Variants in MCCC2 observed in about 807,000 individuals in gnomAD.
The protein encoded by MCCC2 is methylcrotonoyl-CoA carboxylase beta chain, mitochondrial.
MCCC2 carries 52 observed loss-of-function variants against 77.2 expected under a neutral mutation model. The ratio of observed to expected loss-of-function variants is 0.67; its 90% confidence interval spans 0.54 to 0.85. The LOEUF is 0.85. Among genes scored for constraint, MCCC2 ranks in the 40% least tolerant of loss-of-function variants. The pLI, the probability that MCCC2 is intolerant of heterozygous loss-of-function variation, is 0.00. For synonymous variants in MCCC2, 253 were observed against 248.4 expected, an observed-to-expected ratio of 1.02 and a Z score of -0.18; for missense variants, 682 against 703.2, an observed-to-expected ratio of 0.97 and a Z score of 0.34.
intron 12 of MCCC2, among the ~76,000 whole-genome samples, 154 bp from the exon 13 acceptor site, chr5:71,646,057 G>A (rs1747264396): frequency 1.6e-5 from 1 of 64,198 alleles, no homozygotes; most frequent in Admixed American, 2.1e-4. Flanking sequence ...GTGAGACCAT[G>A]TTTCTTTAAA....
intron 5 of MCCC2, 73 bp downstream of exon 5, chr5:71,602,706 A>G (rs1191122224): frequency 2.5e-6 from 4 of 1,602,078 alleles, no homozygotes; most frequent in East Asian, 4.5e-5. Context: ...GGCTGTATGT[A>G]TTACATTTGG....
chr5:71,633,925 A>G (rs905750789), intron 8 of MCCC2, among the ~76,000 whole-genome samples: 7 of 152,108 alleles, frequency 4.6e-5, no homozygotes, highest in African/African-American at 1.7e-4. Flanking sequence ...AAGATCTACC[A>G]TTTGTGAGGC....
At chr5:71,646,865 G>C (rs1469564711) in intron 13 of MCCC2, among the ~76,000 whole-genome samples, 2 of 152,032 alleles carry the variant, frequency 1.3e-5, no homozygotes, top group African/African-American at 4.8e-5. Flanking sequence ...CACGTGCTAC[G>C]GTCTTCCCTT....
intron 3 of MCCC2, among the ~76,000 whole-genome samples, chr5:71,598,606 A>ATTTTTTTTTTT (rs34190236): frequency 1.7e-5 from 2 of 115,342 alleles, no homozygotes; most frequent in South Asian, 2.9e-4. Context: ...CGCCTGGCTA[A>ATTTTTTTTTTT]TTTTTTTTTT....
At chr5:71,616,085 T>A (rs1746146596) in intron 6 of MCCC2, among the ~76,000 whole-genome samples, 1 of 152,198 alleles carries the variant, frequency 6.6e-6, no homozygotes. Flanking sequence ...GGCAAACTCA[T>A]CCAAGTGCTA....
At chr5:71,637,928 A>G (rs551641225) in intron 10 of MCCC2, among the ~76,000 whole-genome samples, 353 of 152,006 alleles carry the variant, frequency 2.3e-3, no homozygotes, top group African/African-American at 7.0e-3. Flanking sequence ...TAGCCAGGAT[A>G]GTCTTGATCT....
intron 15 of MCCC2, among the ~76,000 whole-genome samples, chr5:71,651,444 A>T (rs1747435105): frequency 6.6e-6 from 1 of 152,174 alleles, no homozygotes; most frequent in Non-Finnish European, 1.5e-5. Context: ...TATTAGTTAC[A>T]ACTTTTAACT....
intron 6 of MCCC2, among the ~76,000 whole-genome samples, chr5:71,611,020 G>A (rs1300423503): frequency 6.6e-6 from 1 of 152,096 alleles, no homozygotes; most frequent in African/African-American, 2.4e-5. Context: ...AAGGAAAACA[G>A]GGTTTAAAAA....
At chr5:71,630,929 A>G (rs967381622) in intron 7 of MCCC2, among the ~76,000 whole-genome samples, 1 of 152,212 alleles carries the variant, frequency 6.6e-6, no homozygotes, top group South Asian at 2.1e-4. Context: ...GAATCAATAA[A>G]TAATTCCTAA....
Position 71,626,676 on chromosome 5 carries a change from GC to G in MCCC2, c.663del (p.Tyr222MetfsTer51). On this transcript the variant is annotated frameshift_variant, in exon 7 of 17. Transcript: ENST00000340941. LOFTEE classifies it high-confidence loss of function. ...VVMGSCTAGGAYVPAMADENI... is the reference protein window; with the variant it reads ...VVMGSCTAGGXYVPAMADENI... ...CATGGGCTCCTGCACCGCAGGAGGA[GC>G]CTATGTGCCTGCCATGGCTGATGAA... The G allele has an allele frequency of 1.9e-6, 3 of 1,614,130 alleles. No individual in the cohort carries two copies. Among genetic ancestry groups the G allele is most frequent in the Non-Finnish European group, 2.5e-6 (3 of 1,180,024 alleles).
chr5:71,655,135 G>T (rs554585814), intron 16 of MCCC2, among the ~76,000 whole-genome samples: 10 of 152,314 alleles, frequency 6.6e-5, no homozygotes, highest in African/African-American at 2.4e-4. Context: ...CACCTGGCCA[G>T]ATCTGTAGAT....
intron 16 of MCCC2, among the ~76,000 whole-genome samples, chr5:71,656,030 C>T (rs1183720487): frequency 6.6e-6 from 1 of 152,146 alleles, no homozygotes; most frequent in Non-Finnish European, 1.5e-5. Flanking sequence ...GCCTGGCCAA[C>T]ATGGCGAAAC....
intron 6 of MCCC2, among the ~76,000 whole-genome samples, chr5:71,610,376 C>T (rs565056718): frequency 6.6e-6 from 1 of 152,198 alleles, no homozygotes; most frequent in Non-Finnish European, 1.5e-5. Flanking sequence ...AAGGGAACTC[C>T]CTGACCCCTT....
intron 10 of MCCC2, among the ~76,000 whole-genome samples, chr5:71,640,382 A>ATTTTTCTTTTTTT (rs1747089210): frequency 9.2e-6 from 1 of 109,154 alleles, no homozygotes. Context: ...CACTTTTTAC[A>ATTTTTCTTTTTTT]TTTTTTTTTT....
intron 6 of MCCC2, among the ~76,000 whole-genome samples, chr5:71,609,728 A>C (rs1002390673): frequency 7.9e-5 from 12 of 151,992 alleles, no homozygotes; most frequent in African/African-American, 2.9e-4. Flanking sequence ...GATGATAGTG[A>C]TGTACAGATG....
intron 8 of MCCC2, 94 bp downstream of exon 8, chr5:71,632,279 T>C: frequency 8.8e-7 from 1 of 1,139,226 alleles, no homozygotes. Context: ...AGTGCTAAAC[T>C]TGCCAGACCA....
chr5:71,652,784 A>G, intron 16 of MCCC2, 30 bp downstream of exon 16: 1 of 1,574,446 alleles, frequency 6.4e-7, no homozygotes. Context: ...TAACTCTCTG[A>G]TGGGTGCAGA....
At chr5:71,615,055 C>T (rs1178328698) in intron 6 of MCCC2, among the ~76,000 whole-genome samples, 1 of 152,110 alleles carries the variant, frequency 6.6e-6, no homozygotes, top group Non-Finnish European at 1.5e-5. Context: ...CAACCTCCAC[C>T]TCCTGGGTTC....
At chr5:71,642,479 G>A (rs761583187) in intron 11 of MCCC2, among the ~76,000 whole-genome samples, 1 of 152,196 alleles carries the variant, frequency 6.6e-6, no homozygotes, top group South Asian at 2.1e-4. Flanking sequence ...GGTGAAGACC[G>A]TCCCTCTATG....
Sources: gnomAD v4.1 joint callset for allele counts (sites outside exome capture counted in the v4.1 genomes callset) on GRCh38, gnomAD v4.1.1 for gene constraint, MANE v1.5 for transcripts, NCBI Gene and HGNC (gene_info 2026-07-23, HGNC 2026-07-21) for gene names.